The following CLPB variants were observed in gnomAD, a reference collection of about 807,000 sequenced individuals.
CLPB encodes the protein ClpB family mitochondrial disaggregase.
Under a neutral mutation model 78.4 loss-of-function variants are expected in CLPB, and 40 were observed. That is an observed-to-expected ratio of 0.51 (90% CI 0.40 to 0.66). The LOEUF is 0.66. Among genes scored for constraint, CLPB ranks in the 30% least tolerant of loss-of-function variants. The pLI, the probability that CLPB is intolerant of heterozygous loss-of-function variation, is 0.00. For synonymous variants in CLPB, 333 were observed against 348.0 expected, an observed-to-expected ratio of 0.96 and a Z score of 0.48; for missense variants, 780 against 886.9, an observed-to-expected ratio of 0.88 and a Z score of 1.53.
At chr11:72,300,601 A>G (rs553519596) in intron 11 of CLPB, among the ~76,000 whole-genome samples, 14 of 152,312 alleles carry the variant, frequency 9.2e-5, no homozygotes, top group African/African-American at 3.4e-4. Context: ...TGGGGAAGGC[A>G]GTGAGCAGCT....
intron 5 of CLPB, among the ~76,000 whole-genome samples, chr11:72,351,702 G>A (rs1043508387): frequency 6.6e-6 from 1 of 152,096 alleles, no homozygotes; most frequent in African/African-American, 2.4e-5. Flanking sequence ...CTCCCAAGTA[G>A]CTGGGATTAC....
chr11:72,319,857 G>A (rs1441767401), intron 6 of CLPB, among the ~76,000 whole-genome samples: 1 of 152,130 alleles, frequency 6.6e-6, no homozygotes, highest in African/African-American at 2.4e-5. Context: ...TTTGATAACA[G>A]ACTGTCTAAT....
rs771194067 is a variant in CLPB at position 72,434,172 on chromosome 11, C to T, written c.303G>A (p.Gln101=). 1.7e-5 allele frequency: 27 copies of T among 1,613,266 alleles called. No homozygotes were observed. Among genetic ancestry groups the T allele is most frequent in the Middle Eastern group, 1.7e-4 (1 of 6,060 alleles). Residue 101 remains glutamine (Q), a synonymous_variant, in exon 1 of 16, where the codon CAG becomes CAA. Transcript: ENST00000538039. ...TGCTGGGGACCCCGTTCCAGCTGTC[C>T]TGTCCTGGGAGTGTTTCTTCGGGAC... ...LPGPEETLPG[Q]DSWNGVPSRA...
intron 3 of CLPB, among the ~76,000 whole-genome samples, chr11:72,382,058 C>T (rs1415045073): frequency 6.6e-6 from 1 of 151,994 alleles, no homozygotes; most frequent in African/African-American, 2.4e-5. Context: ...CATCCAGGCT[C>T]TTGACCATCA....
At chr11:72,374,531 C>G (rs1026937577) in intron 4 of CLPB, among the ~76,000 whole-genome samples, 1 of 152,212 alleles carries the variant, frequency 6.6e-6, no homozygotes, top group Non-Finnish European at 1.5e-5. Context: ...TTACCTGAAC[C>G]AGTAAGACTG....
At chr11:72,410,046 T>A (rs1056763263) in intron 2 of CLPB, among the ~76,000 whole-genome samples, 2 of 151,768 alleles carry the variant, frequency 1.3e-5, no homozygotes, top group African/African-American at 4.8e-5. Flanking sequence ...CTGGCCAACA[T>A]GGTAAAACCC....
At chr11:72,415,271 C>A (rs1405719054) in intron 2 of CLPB, among the ~76,000 whole-genome samples, 1 of 152,110 alleles carries the variant, frequency 6.6e-6, no homozygotes. Flanking sequence ...GGGATGAAGC[C>A]CAAGCTCTAT....
chr11:72,371,744 C>T (rs1951046793), intron 4 of CLPB, among the ~76,000 whole-genome samples: 1 of 151,886 alleles, frequency 6.6e-6, no homozygotes, highest in Admixed American at 6.6e-5. Flanking sequence ...TATAGCACAC[C>T]CCTTCTCTAC....
intron 2 of CLPB, among the ~76,000 whole-genome samples, chr11:72,405,077 G>T (rs1229184188): frequency 2.0e-5 from 3 of 152,186 alleles, no homozygotes; most frequent in Non-Finnish European, 4.4e-5. Flanking sequence ...AGTCCAAGAG[G>T]CTAGAAAATC....
chr11:72,342,006 C>T (rs1950428880), intron 5 of CLPB, among the ~76,000 whole-genome samples: 1 of 152,070 alleles, frequency 6.6e-6, no homozygotes, highest in South Asian at 2.1e-4. Context: ...AGAGAATGGG[C>T]TTAAGATGAA....
chr11:72,378,564 G>A (rs528386031), intron 4 of CLPB, among the ~76,000 whole-genome samples: 16 of 152,166 alleles, frequency 1.1e-4, no homozygotes, highest in Non-Finnish European at 1.8e-4. Flanking sequence ...GCCACAACAC[G>A]TGGGAATTCT....
intron 3 of CLPB, among the ~76,000 whole-genome samples, chr11:72,401,583 C>A (rs1384822083): frequency 2.6e-5 from 4 of 152,206 alleles, no homozygotes; most frequent in Non-Finnish European, 5.9e-5. Context: ...TCATGTACAG[C>A]TAAGTCTCTC....
In CLPB at chr11:72,405,872, G is replaced by C. The variant is rs563299232; in HGVS notation, c.456-2820C>G. Among the ~76,000 whole-genome samples the C allele has an allele frequency of 2.0e-5, 3 of 151,938 alleles. No individual in the cohort carries two copies. The South Asian group carries it at 6.2e-4, about 32-fold the overall frequency. ...GAACCTGGGAGGCGGAGCTTGCAGT[G>C]AGCTGAGATCACACCACTGCACGCC... On this transcript the variant is annotated intron_variant, in intron 2 of 15. Transcript: ENST00000538039.
Position 72,289,336 on chromosome 11 carries a change from T to G in CLPB, c.*4031A>C, listed in dbSNP as rs1296369037. ...CCTAGTATTCCTGGCCACAGTTAACTGAACCAACGGACTGACAGCCGGGCA... is the reference window on the plus strand; with the variant it reads ...CCTAGTATTCCTGGCCACAGTTAACGGAACCAACGGACTGACAGCCGGGCA... On this transcript the variant is annotated 3_prime_UTR_variant, in exon 16 of 16. Transcript: ENST00000538039. The G allele has an allele frequency of 1.3e-5, 2 of 152,142 alleles. No individual in the cohort carries two copies. The highest frequency in any genetic ancestry group is 6.5e-5 in the Admixed American group (1 of 15,278). The allele number at this position is 152,142 out of a possible 1,614,324, so 9.4% of individuals were successfully genotyped here.
chr11:72,319,083 G>A (rs551665095), intron 6 of CLPB, among the ~76,000 whole-genome samples: 4 of 152,176 alleles, frequency 2.6e-5, no homozygotes, highest in South Asian at 2.1e-4. Flanking sequence ...CTTCAGTGAT[G>A]AGTTCCAGAG....
rs1427118335 is a variant in CLPB, at chr11:72,434,214, A to G, written c.261T>C (p.Thr87=). Reference sequence around the variant, plus strand: ...CTTCGGGACCAGGAAGGCGTCCCCAAGTGGCAGCCGCGAGGCATTTGGTAT... The same window carrying G: ...CTTCGGGACCAGGAAGGCGTCCCCAGGTGGCAGCCGCGAGGCATTTGGTAT... The part of the protein sequence containing the change: ...RFDTKCLAAA[T]WGRLPGPEET... The change falls in exon 1 of 16, where the codon ACT becomes ACC. Residue 87 remains threonine, a synonymous_variant. Transcript: ENST00000538039. 43 of 1,613,440 alleles carry G rather than the reference A, an allele frequency of 2.7e-5. No homozygotes were observed. The highest frequency in any genetic ancestry group is 3.4e-5 in the Non-Finnish European group (40 of 1,179,992).
In CLPB at chr11:72,308,593, T is replaced by C. The variant is rs1321984610; in HGVS notation, c.1000A>G (p.Lys334Glu). ...IATVGAAIRRKENGWYDEEHP... is the reference protein window; with the variant it reads ...IATVGAAIRREENGWYDEEHP... ...TCTTCATCGTACCAGCCATTCTCCT[T>C]CCTCCGGATCGCTACGGCCAAACAC... Residue 334 changes from lysine to glutamate, a missense_variant, in exon 8 of 16, where the codon AAG becomes GAG. By Grantham distance (56) the Lys-to-Glu change is moderately conservative. This residue lies in a region of CLPB where 91 missense variants were observed against 168.2 expected (regional missense o/e 0.54). Coordinates refer to ENST00000538039, the MANE Select transcript of CLPB (RefSeq NM_001258392.3). The C allele has an allele frequency of 6.2e-7, 1 of 1,613,994 alleles. No homozygotes were observed.
Position 72,402,964 on chromosome 11 carries a change from A to T in CLPB, c.542+2T>A. On this transcript the variant is annotated splice_donor_variant, in intron 3 of 15. Coordinates refer to ENST00000538039, the MANE Select transcript of CLPB (RefSeq NM_001258392.3). LOFTEE classifies it high-confidence loss of function. ...AGCCCTGTGTGGAAGGTGGTCTCTC[A>T]CCTGTTGTTTCGGTTGATGGCTGCC... The T allele has an allele frequency of 6.2e-7, 1 of 1,613,654 alleles. No homozygotes were observed. Among genetic ancestry groups the T allele is most frequent in the South Asian group, 1.1e-5 (1 of 91,052 alleles).
chr11:72,329,787 T>C lies in CLPB; in HGVS notation c.793A>G (p.Arg265Gly), dbSNP rs1950191105. ...AAGGGTGTGTGTCCCATTTCATTCCTCTGCAGGGGGTTGGCTCCTGGCAAG... is the reference window on the plus strand; with the variant it reads ...AAGGGTGTGTGTCCCATTTCATTCCCCTGCAGGGGGTTGGCTCCTGGCAAG... ...LLDGGANPLQ[R>G]NEMGHTPLDY... Residue 265 changes from arginine to glycine, a missense_variant, in exon 6 of 16, where the codon AGG becomes GGG. Physicochemically the swap from Arg to Gly is moderately radical, Grantham distance 125. Around this residue, in one of 3 missense-constraint regions of CLPB, gnomAD observed 417 missense variants for 414.7 expected, o/e 1.01. Coordinates refer to ENST00000538039, the MANE Select transcript of CLPB (RefSeq NM_001258392.3). 1.9e-6 allele frequency: 3 copies of C among 1,613,772 alleles called. No individual in the cohort carries two copies. Among genetic ancestry groups the C allele is most frequent in the South Asian group, 1.1e-5 (1 of 91,070 alleles).
Sources: gnomAD v4.1 joint callset for allele counts (sites outside exome capture counted in the v4.1 genomes callset) on GRCh38, gnomAD v4.1.1 for gene constraint, gnomAD v4.1.1 regional missense constraint, MANE v1.5 for transcripts, NCBI Gene and HGNC (gene_info 2026-07-23, HGNC 2026-07-21) for gene names.